The following PSMD1 variants were observed in gnomAD, a reference collection of about 807,000 sequenced individuals.
PSMD1 encodes the protein 26S proteasome non-ATPase regulatory subunit 1.
Under a neutral mutation model 119.0 loss-of-function variants are expected in PSMD1, and 18 were observed. The observed-to-expected ratio is 0.15, with a 90% confidence interval of 0.10 to 0.22. The LOEUF (loss-of-function observed/expected upper bound fraction) is 0.22. Ranked by LOEUF, PSMD1 falls within the 10% of genes least tolerant of loss-of-function variation. The pLI is 1.00. For missense variants in PSMD1, 702 were observed against 1,158.5 expected, an observed-to-expected ratio of 0.61 and a Z score of 5.72; for synonymous variants, 374 against 396.6, an observed-to-expected ratio of 0.94 and a Z score of 0.68.
At chr2:231,064,270 G>A (rs1042936675) in intron 4 of PSMD1, among the ~76,000 whole-genome samples, 1 of 152,156 alleles carries the variant, frequency 6.6e-6, no homozygotes, top group South Asian at 2.1e-4. Context: ...ATTTGGGTAA[G>A]GCTTCCTAGC....
chr2:231,130,105 G>C (rs1363748802), intron 16 of PSMD1, among the ~76,000 whole-genome samples: 1 of 152,044 alleles, frequency 6.6e-6, no homozygotes. Context: ...CACCACACCC[G>C]GCCAATGGCA....
At chr2:231,118,528 A>G (rs1332977345) in intron 16 of PSMD1, among the ~76,000 whole-genome samples, 1 of 152,208 alleles carries the variant, frequency 6.6e-6, no homozygotes, top group Non-Finnish European at 1.5e-5. Context: ...TATATACGGT[A>G]CAGGAAAATA....
intron 7 of PSMD1, among the ~76,000 whole-genome samples, 182 bp downstream of exon 7, chr2:231,072,597 C>T (rs1378795973): frequency 2.0e-5 from 3 of 151,324 alleles, no homozygotes; most frequent in African/African-American, 2.4e-5. Flanking sequence ...TAAGGAAAAC[C>T]GAAGAAATTG....
In PSMD1 at chr2:231,144,418, A is replaced by ATTTTTTTTTTTTTTT. The variant is rs751682132; in HGVS notation, c.1999-1804_1999-1790dup. On this transcript the variant is annotated intron_variant, in intron 17 of 24. Transcript: ENST00000308696. ...AGGCACCCGCCACCACGCCCAGCTAATTTTTTTTTTTTTTTTTTTTTTTTT... is the reference window on the plus strand; with the variant it reads ...AGGCACCCGCCACCACGCCCAGCTAATTTTTTTTTTTTTTTTTTTTTTTTTTTTTTTTTTTTTTTT... Among the ~76,000 whole-genome samples, 9 of 75,194 alleles carry ATTTTTTTTTTTTTTT rather than the reference A, an allele frequency of 1.2e-4. 1 individual carries two copies. The highest frequency in any genetic ancestry group is 4.5e-4 in the East Asian group (1 of 2,218). 49.3% of individuals were successfully genotyped at this position (75,194 alleles called of 152,430 possible).
At chr2:231,057,583 C>T (rs1693635113) in intron 1 of PSMD1, among the ~76,000 whole-genome samples, 1 of 152,220 alleles carries the variant, frequency 6.6e-6, no homozygotes, top group Non-Finnish European at 1.5e-5. Context: ...TCATTCAAAA[C>T]ACCCAGAGAA....
At position 231,080,272 on chromosome 2, in the gene PSMD1, A is replaced by T; in HGVS notation, c.1371A>T (p.Ile457=). 6.2e-7 allele frequency: 1 copy of T among 1,612,944 alleles called. No homozygotes were observed. Among genetic ancestry groups the T allele is most frequent in the Non-Finnish European group, 8.5e-7 (1 of 1,179,142 alleles). ...TTCATGCCAATCATGGTGGTGATAT[A>T]ATTGACTATCTGCTTAATCAGCTTA... The part of the protein sequence containing the change: ...GLIHANHGGD[I]IDYLLNQLKN... The change falls in exon 12 of 25, where the codon ATA becomes ATT. Residue 457 remains isoleucine (I), a synonymous_variant. Transcript: ENST00000308696.
chr2:231,113,135 G>C (rs529636206), intron 16 of PSMD1, among the ~76,000 whole-genome samples: 1 of 152,136 alleles, frequency 6.6e-6, no homozygotes, highest in Non-Finnish European at 1.5e-5. Context: ...TTGCACTCTA[G>C]CCTGGGTGAC....
chr2:231,135,443 G>A (rs72983616), intron 16 of PSMD1, among the ~76,000 whole-genome samples: 11,100 of 152,156 alleles, frequency 0.073, 595 homozygotes, highest in Admixed American at 0.11. Context: ...ATGTTTGGTT[G>A]ATTGAACATT....
chr2:231,125,476 AG>A (rs1425135321), intron 16 of PSMD1, among the ~76,000 whole-genome samples: 1 of 152,250 alleles, frequency 6.6e-6, no homozygotes, highest in Non-Finnish European at 1.5e-5. Context: ...ATTCTTATCT[AG>A]CTTTTGTGCC....
chr2:231,114,071 AG>A, intron 16 of PSMD1: 1 of 683,912 alleles, frequency 1.5e-6, no homozygotes, highest in Non-Finnish European at 2.6e-6. Context: ...GTTTAACTTC[AG>A]ATAATGGAGA....
intron 20 of PSMD1, among the ~76,000 whole-genome samples, chr2:231,162,826 CAAAA>C (rs559646312): frequency 9.8e-6 from 1 of 101,946 alleles, no homozygotes; most frequent in Non-Finnish European, 2.1e-5. Context: ...AACTCTGTCT[CAAAA>C]AAAAAAAAAA....
chr2:231,131,967 G>GT (rs1323215634), intron 16 of PSMD1, among the ~76,000 whole-genome samples: 2 of 152,088 alleles, frequency 1.3e-5, no homozygotes, highest in Non-Finnish European at 2.9e-5. Context: ...TGGAACTGTT[G>GT]TTAGATTGAG....
chr2:231,142,072 G>C (rs62193731), intron 17 of PSMD1, among the ~76,000 whole-genome samples: 1 of 151,760 alleles, frequency 6.6e-6, no homozygotes, highest in Non-Finnish European at 1.5e-5. Context: ...TAGTAGAGGC[G>C]GGGTTTCACC....
At chr2:231,066,838 T>C in intron 4 of PSMD1, 68 bp from the exon 5 acceptor site, 1 of 1,239,752 alleles carries the variant, frequency 8.1e-7, no homozygotes, top group South Asian at 1.6e-5. Flanking sequence ...ATTATAAATA[T>C]AGGCATTGCC....
At position 231,095,910 on chromosome 2, in the gene PSMD1, A is replaced by G. The variant is rs557686544; in HGVS notation, c.1883+8729A>G. Among the ~76,000 whole-genome samples, 4 of 152,334 alleles carry G rather than the reference A, an allele frequency of 2.6e-5. No individual in the cohort carries two copies. The East Asian group carries it at 5.8e-4, about 22-fold the overall frequency. On this transcript the variant is annotated intron_variant, in intron 16 of 24. Coordinates refer to ENST00000308696, the MANE Select transcript of PSMD1 (RefSeq NM_002807.4). ...GGCTGTTTGACAATTCTATATGGCCAGCTTTTAATTGCTCCTCAACTAATT... is the reference window on the plus strand; with the variant it reads ...GGCTGTTTGACAATTCTATATGGCCGGCTTTTAATTGCTCCTCAACTAATT...
intron 1 of PSMD1, among the ~76,000 whole-genome samples, chr2:231,060,935 C>T (rs1159970525): frequency 2.6e-5 from 4 of 152,162 alleles, no homozygotes; most frequent in Admixed American, 2.6e-4. Flanking sequence ...GCCCCATCCT[C>T]ATAATTTGTG....
chr2:231,109,103 G>A lies in PSMD1; in HGVS notation c.1883+21922G>A, dbSNP rs759094819. On this transcript the variant is annotated intron_variant, in intron 16 of 24. Transcript: ENST00000308696. ...GTTGGGCAGAGCCTTGTCCTTTCGA[G>A]AACCATCCAGCATTGCCACCTTTTC... is the stretch of plus-strand genomic sequence containing the variant. 10 of 1,614,054 alleles carry A rather than the reference G, an allele frequency of 6.2e-6. No individual in the cohort carries two copies. Among genetic ancestry groups the A allele is most frequent in the Non-Finnish European group, 8.5e-6 (10 of 1,180,008 alleles).
At chr2:231,097,218 T>C (rs1694748422) in intron 16 of PSMD1, among the ~76,000 whole-genome samples, 1 of 152,220 alleles carries the variant, frequency 6.6e-6, no homozygotes, top group Non-Finnish European at 1.5e-5. Context: ...AACTTACAGA[T>C]GCATGGTATG....
Position 231,165,311 on chromosome 2 carries a change from G to C in PSMD1, c.2568+25G>C, listed in dbSNP as rs757989655. On this transcript the variant is annotated intron_variant, in intron 22 of 24. Coordinates refer to ENST00000308696, the MANE Select transcript of PSMD1 (RefSeq NM_002807.4). The stretch of plus-strand genomic sequence containing the variant: ...GGTAGGTATAAATTGGTGGTCATAT[G>C]GATTGAAGTATCTCTGTCTCTGTCA... The C allele has an allele frequency of 1.9e-6, 3 of 1,566,242 alleles. No individual in the cohort carries two copies. The South Asian group carries it at 3.5e-5, about 18-fold the overall frequency.
Sources: allele counts gnomAD v4.1 joint callset (sites outside exome capture counted in the v4.1 genomes callset), GRCh38; gene constraint gnomAD v4.1.1; transcripts MANE v1.5; gene names NCBI Gene and HGNC (gene_info 2026-07-23, HGNC 2026-07-21).